CNTN1: variants seen among roughly 807,000 people sequenced by gnomAD.
The protein encoded by CNTN1 is contactin 1, also known as contactin-1.
CNTN1 carries 38 observed loss-of-function variants against 126.4 expected under a neutral mutation model. The observed-to-expected ratio is 0.30, with a 90% CI of 0.23 to 0.39. The LOEUF (loss-of-function observed/expected upper bound fraction) is 0.39, where lower values mean the gene tolerates loss of function less well. CNTN1 is among the 10% of genes least tolerant of loss of function. The pLI is 1.00. For missense variants in CNTN1, 1,009 were observed against 1,248.4 expected, an observed-to-expected ratio of 0.81 and a Z score of 2.89; for synonymous variants, 413 against 422.6, an observed-to-expected ratio of 0.98 and a Z score of 0.28.
At chr12:40,972,759 T>C (rs1947559119) in intron 15 of CNTN1, 1 of 598,884 alleles carries the variant, frequency 1.7e-6, no homozygotes, top group Admixed American at 6.4e-5. Context: ...TTGAGAATTT[T>C]CATGTGTCTG....
In CNTN1 at chr12:40,969,205, C is replaced by A. The variant is rs372313176; in HGVS notation, c.1804+9971C>A. Among the ~76,000 whole-genome samples, 31 of 152,162 alleles carry A rather than the reference C, an allele frequency of 2.0e-4. 1 individual carries two copies. The East Asian group carries it at 4.8e-3, about 24-fold the overall frequency. ...CTATGCAGTGCTTTCTTGAGGGAGC[C>A]TTTTGTGGGCTTGCTTTCCACCCAG... is the stretch of plus-strand genomic sequence containing the variant. On this transcript the variant is annotated intron_variant, in intron 15 of 23. Coordinates refer to ENST00000551295, the MANE Select transcript of CNTN1 (RefSeq NM_001843.4).
At chr12:40,918,327 G>A (rs544961886) in intron 3 of CNTN1, among the ~76,000 whole-genome samples, 2 of 152,248 alleles carry the variant, frequency 1.3e-5, no homozygotes, top group South Asian at 4.1e-4. Flanking sequence ...AAAGTAGAAT[G>A]ATGATTCTAG....
At chr12:41,007,802 G>C (rs1948540178) in intron 17 of CNTN1, among the ~76,000 whole-genome samples, 2 of 152,216 alleles carry the variant, frequency 1.3e-5, no homozygotes, top group African/African-American at 2.4e-5. Flanking sequence ...AAAGGGAAGA[G>C]AAGATGGACC....
At chr12:40,694,078 G>A (rs977145566) in intron 1 of CNTN1, among the ~76,000 whole-genome samples, 2 of 152,068 alleles carry the variant, frequency 1.3e-5, no homozygotes, top group Admixed American at 6.6e-5. Flanking sequence ...GCCGTATCTG[G>A]GATATTTTAT....
chr12:40,830,962 T>TAC (rs1297195037), intron 1 of CNTN1, among the ~76,000 whole-genome samples: 217 of 128,784 alleles, frequency 1.7e-3, no homozygotes, highest in Middle Eastern at 8.8e-3. Context: ...TATATATATA[T>TAC]ACACACACAC....
chr12:40,908,266 CCTTT>C (rs1215559581), intron 1 of CNTN1, 87 bp from the exon 2 acceptor site: 6 of 570,354 alleles, frequency 1.1e-5, no homozygotes, highest in African/African-American at 7.6e-5. Context: ...AATTTCCTTC[CCTTT>C]CTTTCTTCTC....
At chr12:40,819,448 A>G (rs979079412) in intron 1 of CNTN1, among the ~76,000 whole-genome samples, 1 of 152,052 alleles carries the variant, frequency 6.6e-6, no homozygotes, top group African/African-American at 2.4e-5. Flanking sequence ...TTAGACCTGA[A>G]GAGGCACTCT....
At chr12:41,014,852 A>G (rs192842568) in intron 18 of CNTN1, among the ~76,000 whole-genome samples, 4 of 152,270 alleles carry the variant, frequency 2.6e-5, no homozygotes, top group Non-Finnish European at 4.4e-5. Flanking sequence ...AAAACAATAC[A>G]TCTTGGCTGG....
At chr12:40,771,631 T>C (rs1484326991) in intron 1 of CNTN1, among the ~76,000 whole-genome samples, 6 of 151,980 alleles carry the variant, frequency 3.9e-5, no homozygotes, top group African/African-American at 1.4e-4. Flanking sequence ...GCTGCTTTCA[T>C]GAGCAACTGA....
At chr12:40,901,494 C>CATACT (rs1337960126) in intron 1 of CNTN1, among the ~76,000 whole-genome samples, 1 of 152,136 alleles carries the variant, frequency 6.6e-6, no homozygotes. Flanking sequence ...AATTTGTAGG[C>CATACT]ATACTAAAGT....
Position 40,839,812 on chromosome 12 carries a change from CA to C in CNTN1, c.-76-68543del, listed in dbSNP as rs1942206159. ...AGAACAACATTCACCAGCATGAAAA[CA>C]AGTAAAAGTGTAAAATCACTGGTTA... On this transcript the variant is annotated intron_variant, in intron 1 of 23. Coordinates refer to ENST00000551295, the MANE Select transcript of CNTN1 (RefSeq NM_001843.4). Among the ~76,000 whole-genome samples the C allele has an allele frequency of 5.3e-5, 8 of 152,124 alleles. No homozygotes were observed. The South Asian group carries it at 1.5e-3, about 28-fold the overall frequency.
At chr12:40,835,304 C>T (rs1383018720) in intron 1 of CNTN1, among the ~76,000 whole-genome samples, 1 of 152,104 alleles carries the variant, frequency 6.6e-6, no homozygotes, top group Non-Finnish European at 1.5e-5. Context: ...TTTTAAATGA[C>T]AGCTGTCATT....
chr12:40,754,095 T>C (rs2136402841), intron 1 of CNTN1, among the ~76,000 whole-genome samples: 1 of 152,232 alleles, frequency 6.6e-6, no homozygotes, highest in East Asian at 1.9e-4. Context: ...CAATATTTGG[T>C]ACACTATAGA....
chr12:41,027,291 G>A (rs1367170707), intron 21 of CNTN1, among the ~76,000 whole-genome samples: 1 of 152,064 alleles, frequency 6.6e-6, no homozygotes, highest in African/African-American at 2.4e-5. Context: ...CTAAGTGTCA[G>A]TACTTAGGGA....
chr12:40,946,520 C>A (rs1293044396), intron 14 of CNTN1, among the ~76,000 whole-genome samples: 1 of 152,016 alleles, frequency 6.6e-6, no homozygotes, highest in Non-Finnish European at 1.5e-5. Context: ...ACATGGACAC[C>A]AGCCCAAAAT....
intron 5 of CNTN1, among the ~76,000 whole-genome samples, chr12:40,923,839 T>C (rs2136879406): frequency 6.6e-6 from 1 of 152,286 alleles, no homozygotes; most frequent in Non-Finnish European, 1.5e-5. Context: ...TTCAGAGGTA[T>C]ACACTTTATA....
chr12:40,759,958 C>T (rs1316465551), intron 1 of CNTN1, among the ~76,000 whole-genome samples: 1 of 151,966 alleles, frequency 6.6e-6, no homozygotes, highest in Non-Finnish European at 1.5e-5. Context: ...CCAGCTATGG[C>T]CACCAGGTTC....
rs116756720 is a variant in CNTN1 at position 40,871,468 on chromosome 12, A to G, written c.-76-36889A>G. 9.5e-3 allele frequency among the ~76,000 whole-genome samples: 1,443 copies of G among 152,204 alleles called. 17 individuals are homozygous for G. Among genetic ancestry groups the G allele is most frequent in the African/African-American group, 0.032 (1,333 of 41,550 alleles). ...CCTGGACTACAGTAGTAGTGGAAAT[A>G]TGGGGCAAAGTGGTTGGATTTGGGA... On this transcript the variant is annotated intron_variant, in intron 1 of 23. Coordinates refer to ENST00000551295, the MANE Select transcript of CNTN1 (RefSeq NM_001843.4).
chr12:40,692,883 G>A (rs2121068118), intron 1 of CNTN1, among the ~76,000 whole-genome samples: 1 of 152,320 alleles, frequency 6.6e-6, no homozygotes, highest in Non-Finnish European at 1.5e-5. Flanking sequence ...CCTTTCGGAG[G>A]CTGCCGCCGC....
Sources: gnomAD v4.1 joint callset for allele counts (sites outside exome capture counted in the v4.1 genomes callset) on GRCh38, gnomAD v4.1.1 for gene constraint, MANE v1.5 for transcripts, NCBI Gene and HGNC (gene_info 2026-07-23, HGNC 2026-07-21) for gene names.